The following KCNC2 variants were observed in gnomAD, a reference collection of about 807,000 sequenced individuals.
KCNC2 encodes potassium voltage-gated channel subfamily C member 2.
KCNC2 carries 21 observed loss-of-function variants against 44.5 expected under a neutral mutation model. That is an observed-to-expected ratio of 0.47 (90% CI 0.33 to 0.68). The LOEUF is 0.68. KCNC2 is among the 30% of genes least tolerant of loss of function. KCNC2 has a pLI of 0.01. For synonymous variants in KCNC2, 391 were observed against 339.1 expected (o/e 1.15, Z -1.68); for missense variants, 589 against 826.2 (o/e 0.71, Z 3.52).
rs371704150 is a variant in KCNC2, at chr12:75,096,557, A to G, written c.688-45240T>C. Among the ~76,000 whole-genome samples the G allele has an allele frequency of 3.9e-5, 6 of 152,096 alleles. No individual in the cohort carries two copies. The East Asian group carries it at 1.2e-3, about 29-fold the overall frequency. ...GGACAACTTGTTATTCAAAGGACCTATATCACAGAGAAACTGTATTTCCTC... is the reference window on the plus strand; with the variant it reads ...GGACAACTTGTTATTCAAAGGACCTGTATCACAGAGAAACTGTATTTCCTC... On this transcript the variant is annotated intron_variant, in intron 2 of 4. Transcript: ENST00000549446.
intron 2 of KCNC2, among the ~76,000 whole-genome samples, chr12:75,121,230 C>A (rs569559948): frequency 6.6e-6 from 1 of 152,204 alleles, no homozygotes; most frequent in Non-Finnish European, 1.5e-5. Context: ...TTAATTACAG[C>A]TGCTTTGTTT....
intron 2 of KCNC2, among the ~76,000 whole-genome samples, chr12:75,154,050 T>C (rs565664247): frequency 1.3e-5 from 2 of 152,150 alleles, no homozygotes; most frequent in East Asian, 3.9e-4. Flanking sequence ...AAGAGTCAAC[T>C]ATAATTTTAC....
intron 2 of KCNC2, among the ~76,000 whole-genome samples, chr12:75,154,472 A>G (rs1890624105): frequency 6.6e-6 from 1 of 152,018 alleles, no homozygotes; most frequent in African/African-American, 2.4e-5. Flanking sequence ...ATGGAGGTTC[A>G]GCAGATTTCA....
At chr12:75,109,278 C>A (rs1027223939) in intron 2 of KCNC2, among the ~76,000 whole-genome samples, 1 of 152,100 alleles carries the variant, frequency 6.6e-6, no homozygotes, top group Non-Finnish European at 1.5e-5. Flanking sequence ...AACTTTAATG[C>A]CCCCATCATC....
intron 2 of KCNC2, among the ~76,000 whole-genome samples, chr12:75,066,713 C>T (rs1228673397): frequency 6.6e-6 from 1 of 152,046 alleles, no homozygotes; most frequent in Non-Finnish European, 1.5e-5. Context: ...CTTGTTCTTA[C>T]TAATGAATTA....
At chr12:75,136,548 C>T (rs76713904) in intron 2 of KCNC2, among the ~76,000 whole-genome samples, 3,522 of 152,016 alleles carry the variant, frequency 0.023, 139 homozygotes, top group African/African-American at 0.08. Flanking sequence ...TGAACAACTA[C>T]GCTCACCAGC....
intron 2 of KCNC2, among the ~76,000 whole-genome samples, chr12:75,131,590 G>C (rs1262045159): frequency 6.6e-6 from 1 of 152,078 alleles, no homozygotes; most frequent in Non-Finnish European, 1.5e-5. Context: ...TTCTCTGGCT[G>C]GTGGTAGAGA....
intron 2 of KCNC2, among the ~76,000 whole-genome samples, chr12:75,059,869 T>C (rs1228436524): frequency 2.0e-5 from 3 of 152,140 alleles, no homozygotes; most frequent in Admixed American, 2.0e-4. Context: ...TCTAGGTCTA[T>C]TGCTTAAATA....
At position 75,201,294 on chromosome 12, in the gene KCNC2, AAAAAC is replaced by A. The variant is rs1216706539; in HGVS notation, c.687+5998_687+6002del. 7.0e-3 allele frequency among the ~76,000 whole-genome samples: 427 copies of A among 61,114 alleles called. 87 individuals carry two copies. Among genetic ancestry groups the A allele is most frequent in the African/African-American group, 0.037 (412 of 11,092 alleles). 40.1% of individuals were successfully genotyped at this position (61,114 alleles called of 152,430 possible). On this transcript the variant is annotated intron_variant, in intron 2 of 4. Coordinates refer to ENST00000549446, the MANE Select transcript of KCNC2 (RefSeq NM_139137.4). ...AAAAAAAAAAAAAAAAAAAAAAAAA[AAAAAC>A]CAGATTCTGGTTTACTTTATTAGTG...
At chr12:75,121,023 G>A (rs1372669984) in intron 2 of KCNC2, among the ~76,000 whole-genome samples, 2 of 152,244 alleles carry the variant, frequency 1.3e-5, no homozygotes, top group African/African-American at 4.8e-5. Flanking sequence ...TCTGTATACA[G>A]CTCTCTCTGG....
At chr12:75,208,983 G>A (rs1021924946) in intron 1 of KCNC2, among the ~76,000 whole-genome samples, 1 of 152,144 alleles carries the variant, frequency 6.6e-6, no homozygotes, top group Admixed American at 6.5e-5. Flanking sequence ...TAGGAGGGGC[G>A]AGGCTCGGGG....
intron 2 of KCNC2, among the ~76,000 whole-genome samples, chr12:75,109,601 C>T (rs1023338083): frequency 6.6e-6 from 1 of 152,090 alleles, no homozygotes; most frequent in African/African-American, 2.4e-5. Flanking sequence ...TTGTGCAGAT[C>T]GTGATCATAA....
rs917688442 is a variant in KCNC2 at position 75,042,360 on chromosome 12, C to T, written c.*745G>A. 5 of 1,612,032 alleles carry T rather than the reference C, an allele frequency of 3.1e-6. No individual in the cohort carries two copies. Among genetic ancestry groups the T allele is most frequent in the Admixed American group, 1.7e-5 (1 of 59,834 alleles). On this transcript the variant is annotated 3_prime_UTR_variant, in exon 5 of 5. Coordinates refer to ENST00000549446, the MANE Select transcript of KCNC2 (RefSeq NM_139137.4). Reference sequence around the variant, plus strand: ...GCTTGCGTGTAACCAGTAATGACAACCTCTTTGCAGTTATCTGTGTGCAAA... The same window carrying T: ...GCTTGCGTGTAACCAGTAATGACAATCTCTTTGCAGTTATCTGTGTGCAAA...
Position 75,101,110 on chromosome 12 carries a change from GCCT to G in KCNC2, c.688-49796_688-49794del, listed in dbSNP as rs1886336987. Among the ~76,000 whole-genome samples the G allele has an allele frequency of 2.0e-5, 3 of 151,980 alleles. No individual in the cohort carries two copies. The South Asian group carries it at 6.2e-4, about 32-fold the overall frequency. ...ATGAGACTTTTTCACACACATTTAG[GCCT>G]CCCGTCTTGGGATTTCAAACCTTAT... On this transcript the variant is annotated intron_variant, in intron 2 of 4. Coordinates refer to ENST00000549446, the MANE Select transcript of KCNC2 (RefSeq NM_139137.4).
rs1276657499 is a variant in KCNC2 at position 75,168,039 on chromosome 12, T to C, written c.687+39258A>G. 4.6e-5 allele frequency among the ~76,000 whole-genome samples: 7 copies of C among 151,528 alleles called. No individual in the cohort carries two copies. In the South Asian group the frequency reaches 1.0e-3, roughly 22 times the overall value. ...GACTAAAATGAGCTCAATATCCAAGTAATTTGGAATTGCTATCTTTAAATG... is the reference window on the plus strand; with the variant it reads ...GACTAAAATGAGCTCAATATCCAAGCAATTTGGAATTGCTATCTTTAAATG... On this transcript the variant is annotated intron_variant, in intron 2 of 4. Transcript: ENST00000549446.
chr12:75,200,651 A>G (rs537874892), intron 2 of KCNC2, among the ~76,000 whole-genome samples: 3 of 151,754 alleles, frequency 2.0e-5, no homozygotes, highest in South Asian at 4.1e-4. Flanking sequence ...ATGATTTTCT[A>G]AAAACAGAAA....
intron 2 of KCNC2, among the ~76,000 whole-genome samples, chr12:75,106,058 G>A (rs1274944709): frequency 6.6e-6 from 1 of 151,960 alleles, no homozygotes; most frequent in Non-Finnish European, 1.5e-5. Context: ...AGACTAAGAA[G>A]GAACAAACAG....
intron 2 of KCNC2, among the ~76,000 whole-genome samples, chr12:75,073,045 A>G (rs1883579016): frequency 6.6e-6 from 1 of 152,186 alleles, no homozygotes; most frequent in South Asian, 2.1e-4. Flanking sequence ...AACTAAATTG[A>G]GAATTGCAGA....
At chr12:75,087,111 A>G (rs1230403568) in intron 2 of KCNC2, among the ~76,000 whole-genome samples, 2 of 152,112 alleles carry the variant, frequency 1.3e-5, no homozygotes, top group Admixed American at 6.6e-5. Flanking sequence ...TGATAACTCT[A>G]TATGAGAAAT....
Sources: allele counts gnomAD v4.1 joint callset (sites outside exome capture counted in the v4.1 genomes callset), GRCh38; gene constraint gnomAD v4.1.1; transcripts MANE v1.5; gene names NCBI Gene and HGNC (gene_info 2026-07-23, HGNC 2026-07-21).